Variants in RASA3 observed in about 807,000 individuals in gnomAD.
The protein encoded by RASA3 is ras GTPase-activating protein 3.
In RASA3, 73 loss-of-function variants were observed where a neutral mutation model predicts 110.0. That is an observed-to-expected ratio of 0.66 (90% CI 0.55 to 0.81). The LOEUF (loss-of-function observed/expected upper bound fraction) is 0.81, where lower values mean the gene tolerates loss of function less well. Ranked by LOEUF, RASA3 falls within the 30% of genes least tolerant of loss-of-function variation. The pLI, the probability that RASA3 is intolerant of heterozygous loss-of-function variation, is 0.00. For synonymous variants in RASA3, 500 were observed against 451.4 expected (o/e 1.11, Z -1.37); for missense variants, 976 against 1,113.2 (o/e 0.88, Z 1.75).
intron 20 of RASA3, among the ~76,000 whole-genome samples, chr13:113,998,704 G>A (rs371372804): frequency 2.6e-4 from 40 of 152,334 alleles, no homozygotes; most frequent in South Asian, 8.3e-4. Context: ...AACCTGCCAC[G>A]TCGGCACATC....
intron 18 of RASA3, among the ~76,000 whole-genome samples, chr13:114,005,443 G>A (rs1308458066): frequency 6.6e-6 from 1 of 152,154 alleles, no homozygotes; most frequent in Non-Finnish European, 1.5e-5. Context: ...AGAAACACGG[G>A]GTGGCTGTGG....
chr13:114,013,437 ATC>A (rs567121523), intron 14 of RASA3, among the ~76,000 whole-genome samples, 189 bp from the exon 15 acceptor site: 1,183 of 87,972 alleles, frequency 0.013, 21 homozygotes, highest in African/African-American at 0.066. Context: ...CTCTCTCTCC[ATC>A]TCTCTGTCTC....
In RASA3 at chr13:114,040,622, G is replaced by A. The variant is rs12875371; in HGVS notation, c.372+378C>T. Among the ~76,000 whole-genome samples, 321 of 128,806 alleles carry A rather than the reference G, an allele frequency of 2.5e-3. 7 individuals are homozygous for A. Among genetic ancestry groups the A allele is most frequent in the African/African-American group, 7.5e-3 (227 of 30,198 alleles). 84.5% of individuals were successfully genotyped at this position (128,806 alleles called of 152,430 possible). On this transcript the variant is annotated intron_variant, in intron 4 of 23. Coordinates refer to ENST00000334062, the MANE Select transcript of RASA3 (RefSeq NM_007368.4). ...GCGCTCACTCCGAGCACAAGCGGGC[G>A]AACACGCACAACCCAAAATCCATGG... is the stretch of plus-strand genomic sequence containing the variant.
chr13:114,002,305 G>A (rs1461746012), intron 18 of RASA3, among the ~76,000 whole-genome samples: 3 of 152,060 alleles, frequency 2.0e-5, no homozygotes, highest in African/African-American at 2.4e-5. Flanking sequence ...GGGTGTGGAA[G>A]CTGCTGGGAG....
intron 3 of RASA3, among the ~76,000 whole-genome samples, chr13:114,043,822 C>T (rs1264869592): frequency 6.7e-6 from 1 of 149,416 alleles, no homozygotes; most frequent in African/African-American, 2.5e-5. Context: ...CCGCCTGGCC[C>T]ACCTCACTCG....
chr13:114,089,677 T>A lies in RASA3; in HGVS notation c.56-15840A>T, dbSNP rs190359411. On this transcript the variant is annotated intron_variant, in intron 1 of 23. Coordinates refer to ENST00000334062, the MANE Select transcript of RASA3 (RefSeq NM_007368.4). Reference sequence around the variant, plus strand: ...CACACAGGTGTTCACGGCACGTGTGTGGGTGTCTTGATTGACACCACACAA... The same window carrying A: ...CACACAGGTGTTCACGGCACGTGTGAGGGTGTCTTGATTGACACCACACAA... Among the ~76,000 whole-genome samples, 6 of 152,314 alleles carry A rather than the reference T, an allele frequency of 3.9e-5. 1 individual carries two copies. The highest frequency in any genetic ancestry group is 1.4e-4 in the African/African-American group (6 of 41,568).
intron 2 of RASA3, among the ~76,000 whole-genome samples, chr13:114,055,785 T>C (rs2079234308): frequency 6.6e-6 from 1 of 151,914 alleles, no homozygotes; most frequent in Non-Finnish European, 1.5e-5. Context: ...AGGCTTCACT[T>C]CCTGCTCCAG....
intron 23 of RASA3, among the ~76,000 whole-genome samples, chr13:113,980,053 C>CTG (rs71105219): frequency 0.65 from 92,753 of 142,502 alleles, 29,997 homozygotes; most frequent in Non-Finnish European, 0.69. Flanking sequence ...TGTGTGCCTC[C>CTG]TGTGTGCACC....
intron 1 of RASA3, among the ~76,000 whole-genome samples, chr13:114,131,315 G>C (rs929091561): frequency 1.3e-5 from 2 of 152,140 alleles, no homozygotes; most frequent in Non-Finnish European, 2.9e-5. Flanking sequence ...GAGAAGGACC[G>C]TGGGGACCGC....
At chr13:114,042,072 T>C (rs1199924048) in intron 3 of RASA3, among the ~76,000 whole-genome samples, 2 of 152,258 alleles carry the variant, frequency 1.3e-5, no homozygotes, top group East Asian at 1.9e-4. Context: ...AATATACGTT[T>C]ACCTAGTATG....
chr13:114,021,542 G>A (rs372525625), intron 8 of RASA3, 34 bp from the exon 9 acceptor site: 59 of 1,586,666 alleles, frequency 3.7e-5, no homozygotes, highest in South Asian at 1.5e-4. Context: ...TCTAGCTGAC[G>A]GCGGGCAGCC....
Position 114,030,517 on chromosome 13 carries a change from GAGAGCAAGA to G in RASA3, c.373-639_373-631del, listed in dbSNP as rs1566502017. Reference sequence around the variant, plus strand: ...TCACACAGAGGGCAAGACTCACACAGAGAGCAAGACTCACACAGAGGGCAAGACTCACAC... The same window carrying G: ...TCACACAGAGGGCAAGACTCACACAGCTCACACAGAGGGCAAGACTCACAC... On this transcript the variant is annotated intron_variant, in intron 4 of 23. Coordinates refer to ENST00000334062, the MANE Select transcript of RASA3 (RefSeq NM_007368.4). 7.7e-4 allele frequency among the ~76,000 whole-genome samples: 92 copies of G among 118,962 alleles called. 5 individuals carry two copies. Among genetic ancestry groups the G allele is most frequent in the African/African-American group, 2.6e-3 (88 of 33,796 alleles). The allele number at this position is 118,962 out of a possible 152,430, so 78.0% of individuals were successfully genotyped here. A position where few individuals can be genotyped will look rare whatever the true frequency, so the allele number is the denominator to read the frequency against.
At chr13:114,119,557 T>A (rs1480355273) in intron 1 of RASA3, among the ~76,000 whole-genome samples, 1 of 42,560 alleles carries the variant, frequency 2.3e-5, no homozygotes, top group Non-Finnish European at 4.6e-5. Flanking sequence ...TCAGGGCCCC[T>A]CCCTCTCTCC....
rs1187102625 is a variant in RASA3 at position 114,100,347 on chromosome 13, A to G, written c.56-26510T>C. Among the ~76,000 whole-genome samples the G allele has an allele frequency of 1.3e-5, 2 of 152,146 alleles. 1 individual carries two copies. The highest frequency in any genetic ancestry group is 4.1e-4 in the South Asian group (2 of 4,826). On this transcript the variant is annotated intron_variant, in intron 1 of 23. Transcript: ENST00000334062. The stretch of plus-strand genomic sequence containing the variant: ...GCCATGGGGTGCACAGCACCCTCCA[A>G]GCATTCTGAAAGGAGATTTTAGACT...
Position 114,057,274 on chromosome 13 carries a change from G to A in RASA3, c.174-5119C>T, listed in dbSNP as rs1474119990. ...CACCTCAAGTCTTTCAGGAAACCAG[G>A]CAGGACATCTGCAGGCGGCCGGCCA... On this transcript the variant is annotated intron_variant, in intron 2 of 23. Coordinates refer to ENST00000334062, the MANE Select transcript of RASA3 (RefSeq NM_007368.4). The surrounding 1 kb of genome is among the most constrained non-coding windows in gnomAD (Gnocchi z 5.0). The A allele has an allele frequency of 5.1e-6, 5 of 985,242 alleles. No individual in the cohort carries two copies. The highest frequency in any genetic ancestry group is 1.1e-4 in the East Asian group (1 of 8,832). The allele number at this position is 985,242 out of a possible 1,614,324, so 61.0% of individuals were successfully genotyped here.
chr13:114,052,611 T>G (rs2079163074), intron 2 of RASA3, among the ~76,000 whole-genome samples: 1 of 152,288 alleles, frequency 6.6e-6, no homozygotes, highest in East Asian at 1.9e-4. Flanking sequence ...AAGTCCTGAC[T>G]GCCCAGCCGC....
chr13:114,119,805 CT>C (rs2080346252), intron 1 of RASA3, among the ~76,000 whole-genome samples: 1 of 102,226 alleles, frequency 9.8e-6, no homozygotes, highest in Admixed American at 9.1e-5. Context: ...GGGCCCCTCC[CT>C]CTCTCCAGCC....
intron 1 of RASA3, chr13:114,108,797 A>G (rs578132950): frequency 6.6e-6 from 1 of 152,296 alleles, no homozygotes; most frequent in Non-Finnish European, 1.5e-5. Flanking sequence ...TCTGGGTCCC[A>G]GCCCTTCCGT....
At chr13:114,039,153 ACT>A (rs1403355705) in intron 4 of RASA3, among the ~76,000 whole-genome samples, 1 of 152,158 alleles carries the variant, frequency 6.6e-6, no homozygotes, top group African/African-American at 2.4e-5. Flanking sequence ...TCAGACACAC[ACT>A]GTGGTACCAG....
Sources: gnomAD v4.1 joint callset for allele counts (sites outside exome capture counted in the v4.1 genomes callset) on GRCh38, gnomAD v4.1.1 for gene constraint, Gnocchi (gnomAD v3.1) non-coding constraint, MANE v1.5 for transcripts, NCBI Gene and HGNC (gene_info 2026-07-23, HGNC 2026-07-21) for gene names.